The following PTPRD variants were observed in gnomAD, a reference collection of about 807,000 sequenced individuals.
PTPRD encodes receptor-type tyrosine-protein phosphatase delta.
PTPRD carries 34 observed loss-of-function variants against 214.5 expected under a neutral mutation model. The observed-to-expected ratio is 0.16, with a 90% CI of 0.12 to 0.21. The LOEUF (loss-of-function observed/expected upper bound fraction) is 0.21. Ranked by LOEUF, PTPRD falls within the 10% of genes least tolerant of loss-of-function variation. The pLI is 1.00. For synonymous variants in PTPRD, 1,128 were observed against 845.7 expected, an observed-to-expected ratio of 1.33 and a Z score of -5.79; for missense variants, 2,545 against 2,398.7, an observed-to-expected ratio of 1.06 and a Z score of -1.27.
chr9:9,431,059 T>G (rs1184729720), intron 8 of PTPRD, among the ~76,000 whole-genome samples: 2 of 152,180 alleles, frequency 1.3e-5, no homozygotes, highest in Non-Finnish European at 2.9e-5. Flanking sequence ...AAATGGGATC[T>G]AATTAAACTA....
At chr9:9,178,094 G>T (rs1481850880) in intron 10 of PTPRD, among the ~76,000 whole-genome samples, 1 of 152,078 alleles carries the variant, frequency 6.6e-6, no homozygotes, top group Non-Finnish European at 1.5e-5. Flanking sequence ...GGTAGCTTTT[G>T]TATCAATATA....
intron 11 of PTPRD, among the ~76,000 whole-genome samples, chr9:8,841,983 C>G (rs1385241811): frequency 1.3e-5 from 2 of 148,728 alleles, no homozygotes; most frequent in Admixed American, 6.7e-5. Context: ...TGCACTCCAG[C>G]CTGGGCAATA....
chr9:8,831,888 A>G lies in PTPRD; in HGVS notation c.-103-97942T>C, dbSNP rs115351372. On this transcript the variant is annotated intron_variant, in intron 11 of 45. Transcript: ENST00000381196. ...CAAATCACAACGTTTTATGAAGTCC[A>G]TATTCTATTTCTCCTTTAGTGCTTT... Among the ~76,000 whole-genome samples the G allele has an allele frequency of 4.3e-3, 623 of 143,428 alleles. 1 individual carries two copies. Among genetic ancestry groups the G allele is most frequent in the African/African-American group, 0.015 (564 of 37,162 alleles). The allele number at this position is 143,428 out of a possible 152,430, so 94.1% of individuals were successfully genotyped here.
chr9:8,772,025 T>A (rs527812391), intron 11 of PTPRD, among the ~76,000 whole-genome samples: 7 of 152,076 alleles, frequency 4.6e-5, no homozygotes, highest in Non-Finnish European at 1.0e-4. Context: ...CCTGATGTGA[T>A]TATTATGCAT....
At chr9:9,519,454 C>A (rs891498112) in intron 8 of PTPRD, among the ~76,000 whole-genome samples, 1 of 151,456 alleles carries the variant, frequency 6.6e-6, no homozygotes, top group Non-Finnish European at 1.5e-5. Flanking sequence ...AAAGCCTAAT[C>A]AAAGAAAAGG....
intron 6 of PTPRD, among the ~76,000 whole-genome samples, chr9:9,736,466 G>C (rs1038492741): frequency 6.6e-6 from 1 of 151,738 alleles, no homozygotes; most frequent in Non-Finnish European, 1.5e-5. Flanking sequence ...TTCCACTTTG[G>C]GGTTATTAAG....
At chr9:8,963,825 G>A (rs1223546585) in intron 11 of PTPRD, among the ~76,000 whole-genome samples, 1 of 152,052 alleles carries the variant, frequency 6.6e-6, no homozygotes, top group Admixed American at 6.6e-5. Flanking sequence ...TGTTGCCCAA[G>A]CTGGTCTCAA....
chr9:9,790,471 A>G (rs557027901), intron 5 of PTPRD, among the ~76,000 whole-genome samples: 1 of 152,310 alleles, frequency 6.6e-6, no homozygotes, highest in South Asian at 2.1e-4. Flanking sequence ...AGAGGAGAAT[A>G]AATCAATTCC....
At chr9:8,795,733 T>C (rs1175746329) in intron 11 of PTPRD, among the ~76,000 whole-genome samples, 1 of 152,182 alleles carries the variant, frequency 6.6e-6, no homozygotes, top group East Asian at 1.9e-4. Context: ...TATTACAAAG[T>C]CTTATTTATG....
At chr9:10,444,471 T>C (rs1405688982) in intron 2 of PTPRD, among the ~76,000 whole-genome samples, 1 of 151,848 alleles carries the variant, frequency 6.6e-6, no homozygotes, top group Non-Finnish European at 1.5e-5. Flanking sequence ...AATTAATGTT[T>C]CTTAACTTTC....
At chr9:9,138,838 T>A (rs1052335005) in intron 10 of PTPRD, among the ~76,000 whole-genome samples, 10 of 152,140 alleles carry the variant, frequency 6.6e-5, no homozygotes, top group Non-Finnish European at 1.3e-4. Flanking sequence ...AATTAGGCCC[T>A]TTTATGTTTA....
intron 5 of PTPRD, among the ~76,000 whole-genome samples, chr9:9,917,876 T>G (rs542481241): frequency 6.6e-6 from 1 of 152,048 alleles, no homozygotes; most frequent in African/African-American, 2.4e-5. Context: ...TAACATCCTT[T>G]AATGATTTAA....
At position 10,249,130 on chromosome 9, in the gene PTPRD, G is replaced by A. The variant is rs149153626; in HGVS notation, c.-545+91833C>T. Among the ~76,000 whole-genome samples the A allele has an allele frequency of 2.1e-3, 316 of 152,162 alleles. 1 individual carries two copies. In the South Asian group the frequency reaches 0.027, roughly 13 times the overall value. ...TCAAAATCTTCAACACCAGGTAAGT[G>A]ACTAAAAGTGATTTTGAGACATCTA... On this transcript the variant is annotated intron_variant, in intron 3 of 45. Transcript: ENST00000381196.
intron 3 of PTPRD, among the ~76,000 whole-genome samples, chr9:10,131,521 A>G (rs1168443134): frequency 7.2e-5 from 11 of 152,226 alleles, no homozygotes; most frequent in Admixed American, 7.2e-4. Flanking sequence ...ATATAGTAAC[A>G]AAATAACACA....
At position 9,363,058 on chromosome 9, in the gene PTPRD, G is replaced by T. The variant is rs558382665; in HGVS notation, c.-203+34391C>A. 7.4e-5 allele frequency among the ~76,000 whole-genome samples: 11 copies of T among 149,406 alleles called. No homozygotes were observed. The South Asian group carries it at 2.3e-3, about 32-fold the overall frequency. On this transcript the variant is annotated intron_variant, in intron 9 of 45. Transcript: ENST00000381196. ...ATTACCCTTTTCCTTGAGAGTTCTG[G>T]AACTGTGCTAACAAAGGAAGAATAA...
At chr9:10,185,811 G>A (rs149592911) in intron 3 of PTPRD, among the ~76,000 whole-genome samples, 115 of 151,974 alleles carry the variant, frequency 7.6e-4, no homozygotes, top group African/African-American at 2.7e-3. Flanking sequence ...TTGTTTCCTG[G>A]GAAGCATCAT....
chr9:9,936,993 C>A (rs534613406), intron 5 of PTPRD, among the ~76,000 whole-genome samples: 15 of 151,680 alleles, frequency 9.9e-5, no homozygotes, highest in African/African-American at 3.2e-4. Flanking sequence ...CCAAACCCCA[C>A]ATATTCTCAC....
At position 8,891,137 on chromosome 9, in the gene PTPRD, A is replaced by ATTTTTTTTTTTTTT. The variant is rs761564011; in HGVS notation, c.-104+127546_-104+127559dup. On this transcript the variant is annotated intron_variant, in intron 11 of 45. Transcript: ENST00000381196. ...AACTTCTGTGCTTTGAATTAATCTA[A>ATTTTTTTTTTTTTT]TTTTTTTTTTTTTTGAGACTGAGTC... Among the ~76,000 whole-genome samples, 1,233 of 123,302 alleles carry ATTTTTTTTTTTTTT rather than the reference A, an allele frequency of 1.0e-2. 81 individuals carry two copies. The highest frequency in any genetic ancestry group is 0.023 in the African/African-American group (721 of 31,502). The allele number at this position is 123,302 out of a possible 152,430, so 80.9% of individuals were successfully genotyped here. A position where few individuals can be genotyped will look rare whatever the true frequency, so the allele number is the denominator to read the frequency against.
chr9:9,669,044 G>C (rs1207091835), intron 7 of PTPRD, among the ~76,000 whole-genome samples: 5 of 151,898 alleles, frequency 3.3e-5, no homozygotes, highest in Non-Finnish European at 5.9e-5. Flanking sequence ...ATTTTTTTTG[G>C]CTTAAATAAT....
Sources: allele counts gnomAD v4.1 joint callset (sites outside exome capture counted in the v4.1 genomes callset), GRCh38; gene constraint gnomAD v4.1.1; transcripts MANE v1.5; gene names NCBI Gene and HGNC (gene_info 2026-07-23, HGNC 2026-07-21).